The following NUP35 variants were observed in gnomAD, a reference collection of about 807,000 sequenced individuals.
NUP35 encodes the protein nucleoporin 35.
In NUP35, 25 loss-of-function variants were observed where a neutral mutation model predicts 41.5. The ratio of observed to expected loss-of-function variants is 0.60; its 90% CI spans 0.44 to 0.84. NUP35 has a LOEUF of 0.84. Ranked by LOEUF, NUP35 falls within the 40% of genes least tolerant of loss-of-function variation. The pLI is 0.00. For synonymous variants in NUP35, 149 were observed against 130.7 expected, an observed-to-expected ratio of 1.14 and a Z score of -0.96; for missense variants, 396 against 396.6, an observed-to-expected ratio of 1.00 and a Z score of 0.01.
At chr2:183,142,014 G>C (rs1456732182) in intron 4 of NUP35, among the ~76,000 whole-genome samples, 1 of 152,190 alleles carries the variant, frequency 6.6e-6, no homozygotes, top group East Asian at 1.9e-4. Flanking sequence ...ACACTTGATT[G>C]ATAGTGTAGG....
rs1158443922 is a variant in NUP35, at chr2:183,158,270, T to G, written c.610-13T>G. ...ATATTTTCTATTTTAAGAGACAGTT[T>G]TATTCTTTGCAGATGTCTAATACAG... On this transcript the variant is annotated splice_polypyrimidine_tract_variant and intron_variant, in intron 6 of 8. Coordinates refer to ENST00000295119, the MANE Select transcript of NUP35 (RefSeq NM_138285.5). 2 of 1,524,680 alleles carry G rather than the reference T, an allele frequency of 1.3e-6. No individual in the cohort carries two copies. Among genetic ancestry groups the G allele is most frequent in the Non-Finnish European group, 1.8e-6 (2 of 1,128,428 alleles). The allele number at this position is 1,524,680 out of a possible 1,614,324, so 94.4% of individuals were successfully genotyped here. A position where few individuals can be genotyped will look rare whatever the true frequency, so the allele number is the denominator to read the frequency against.
intron 1 of NUP35, 27 bp downstream of exon 1, chr2:183,124,524 T>C: frequency 6.2e-7 from 1 of 1,613,728 alleles, no homozygotes; most frequent in South Asian, 1.1e-5. Context: ...TTTTCCTTGC[T>C]GGCACTGCCA....
chr2:183,153,948 G>A (rs1685559657), intron 5 of NUP35, among the ~76,000 whole-genome samples: 1 of 152,220 alleles, frequency 6.6e-6, no homozygotes, highest in Non-Finnish European at 1.5e-5. Flanking sequence ...CTGAAATCTA[G>A]GTGAAGGTTC....
intron 5 of NUP35, among the ~76,000 whole-genome samples, chr2:183,153,945 C>G (rs1685559418): frequency 6.6e-6 from 1 of 152,236 alleles, no homozygotes; most frequent in Admixed American, 6.5e-5. Context: ...CTTCTGAAAT[C>G]TAGGTGAAGG....
At chr2:183,121,915 T>TTTATTATTATTATTA (rs71008266), upstream of NUP35, among the ~76,000 whole-genome samples, 2,126 of 145,340 alleles carry the variant, frequency 0.015, 50 homozygotes, top group East Asian at 0.12. Flanking sequence ...GGCCATTCTT[T>TTTATTATTATTATTA]TTATTATTAT....
At chr2:183,136,735 G>C (rs1040150219) in intron 4 of NUP35, among the ~76,000 whole-genome samples, 11 of 152,086 alleles carry the variant, frequency 7.2e-5, no homozygotes, top group African/African-American at 2.7e-4. Flanking sequence ...GTTCCTTCAC[G>C]GCAGTACCTG....
chr2:183,156,306 T>C (rs1325917155), intron 5 of NUP35, among the ~76,000 whole-genome samples: 1 of 152,208 alleles, frequency 6.6e-6, no homozygotes, highest in East Asian at 1.9e-4. Flanking sequence ...TCAGTTCTGA[T>C]TGCAGTGAAT....
chr2:183,142,662 T>C (rs1004785454), intron 4 of NUP35, among the ~76,000 whole-genome samples: 1 of 151,702 alleles, frequency 6.6e-6, no homozygotes. Context: ...GTATTTTTAG[T>C]AGAGACAGGG....
intron 5 of NUP35, among the ~76,000 whole-genome samples, chr2:183,157,074 C>T (rs561824759): frequency 4.6e-5 from 7 of 152,088 alleles, no homozygotes; most frequent in South Asian, 2.1e-4. Flanking sequence ...TTTTCATAAC[C>T]GTAGTATACC....
At chr2:183,158,528 A>G in intron 7 of NUP35, 117 bp downstream of exon 7, 1 of 907,162 alleles carries the variant, frequency 1.1e-6, no homozygotes, top group Admixed American at 2.8e-5. Context: ...CTTAGTTTGT[A>G]AAATGTGATG....
At chr2:183,138,159 A>G (rs1049708146) in intron 4 of NUP35, among the ~76,000 whole-genome samples, 2 of 151,204 alleles carry the variant, frequency 1.3e-5, no homozygotes, top group Admixed American at 6.6e-5. Flanking sequence ...GTGGAGACCT[A>G]TCATGCATGG....
In NUP35 at chr2:183,129,149, G is replaced by A. The variant is rs528045530; in HGVS notation, c.211+692G>A. 2.6e-5 allele frequency among the ~76,000 whole-genome samples: 4 copies of A among 152,298 alleles called. No individual in the cohort carries two copies. In the South Asian group the frequency reaches 8.3e-4, roughly 32 times the overall value. Reference sequence around the variant, plus strand: ...GTCAAAAGAAGTGTAACTTGAAGATGTAGATACGAATTCTGCCTTTAGTCT... The same window carrying A: ...GTCAAAAGAAGTGTAACTTGAAGATATAGATACGAATTCTGCCTTTAGTCT... On this transcript the variant is annotated intron_variant, in intron 2 of 8. Transcript: ENST00000295119.
intron 4 of NUP35, among the ~76,000 whole-genome samples, chr2:183,134,589 A>C (rs574797325): frequency 6.6e-6 from 1 of 151,330 alleles, no homozygotes; most frequent in Admixed American, 6.6e-5. Flanking sequence ...GGCTGTGTTC[A>C]TTTATGGAGG....
chr2:183,135,342 C>G (rs1252652952), intron 4 of NUP35, among the ~76,000 whole-genome samples: 1 of 152,034 alleles, frequency 6.6e-6, no homozygotes, highest in African/African-American at 2.4e-5. Flanking sequence ...ACGGAGGGAA[C>G]AGTGTGTCTG....
At chr2:183,123,710 T>A (rs572448351), upstream of NUP35, 262 of 727,628 alleles carry the variant, frequency 3.6e-4, no homozygotes, top group Non-Finnish European at 4.1e-4. Context: ...GCAGAATATG[T>A]GTATGTGATT....
rs67798004 is a variant in NUP35, at chr2:183,152,110, AACACACACACACACACACACACAC to A, written c.539+483_539+506del. Among the ~76,000 whole-genome samples, 67 of 113,384 alleles carry A rather than the reference AACACACACACACACACACACACAC, an allele frequency of 5.9e-4. 2 individuals carry two copies. The highest frequency in any genetic ancestry group is 1.7e-3 in the African/African-American group (59 of 34,222). 74.4% of individuals were successfully genotyped at this position (113,384 alleles called of 152,430 possible). On this transcript the variant is annotated intron_variant, in intron 5 of 8. Transcript: ENST00000295119. ...TGAATTAACAGAATGAACATTTACA[AACACACACACACACACACACACAC>A]ACACACACACACACACACACAATGT...
chr2:183,144,741 G>A (rs1685217907), intron 4 of NUP35, among the ~76,000 whole-genome samples: 1 of 152,164 alleles, frequency 6.6e-6, no homozygotes, highest in South Asian at 2.1e-4. Flanking sequence ...GGCATCAGAA[G>A]TCTGATTGAA....
At chr2:183,150,677 A>G (rs1298727750) in intron 4 of NUP35, among the ~76,000 whole-genome samples, 1 of 152,066 alleles carries the variant, frequency 6.6e-6, no homozygotes, top group Non-Finnish European at 1.5e-5. Context: ...CTCTTTCGCT[A>G]GAATGTAGGC....
At chr2:183,146,716 C>T (rs1276277908) in intron 4 of NUP35, among the ~76,000 whole-genome samples, 2 of 152,052 alleles carry the variant, frequency 1.3e-5, no homozygotes, top group Non-Finnish European at 2.9e-5. Flanking sequence ...CTTGTCTCAG[C>T]TTCCCGAGTA....
Sources: allele counts gnomAD v4.1 joint callset (sites outside exome capture counted in the v4.1 genomes callset), GRCh38; gene constraint gnomAD v4.1.1; transcripts MANE v1.5; gene names NCBI Gene and HGNC (gene_info 2026-07-23, HGNC 2026-07-21).